The following RGS7BP variants were observed in gnomAD, a reference collection of about 807,000 sequenced individuals.
The protein encoded by RGS7BP is regulator of G protein signaling 7-binding protein.
Under a neutral mutation model 31.3 loss-of-function variants are expected in RGS7BP, and 9 were observed. The ratio of observed to expected loss-of-function variants is 0.29; its 90% confidence interval spans 0.17 to 0.50. The LOEUF is 0.50. Ranked by LOEUF, RGS7BP falls within the 20% of genes least tolerant of loss-of-function variation. RGS7BP has a pLI of 0.98. For missense variants in RGS7BP, 274 were observed against 322.0 expected (o/e 0.85, Z 1.14); for synonymous variants, 115 against 120.1 (o/e 0.96, Z 0.28).
intron 4 of RGS7BP, among the ~76,000 whole-genome samples, chr5:64,595,266 A>G (rs557357028): frequency 6.6e-6 from 1 of 152,206 alleles, no homozygotes; most frequent in Non-Finnish European, 1.5e-5. Flanking sequence ...CCAAAATTAC[A>G]CAAAGATGCC....
intron 5 of RGS7BP, among the ~76,000 whole-genome samples, chr5:64,603,200 A>C (rs1213604145): frequency 1.3e-5 from 2 of 151,264 alleles, no homozygotes; most frequent in Non-Finnish European, 3.0e-5. Flanking sequence ...AGGGGATTGG[A>C]GAGGAGGACA....
At chr5:64,550,373 C>G (rs62369454) in intron 2 of RGS7BP, among the ~76,000 whole-genome samples, 2 of 152,214 alleles carry the variant, frequency 1.3e-5, no homozygotes, top group East Asian at 1.9e-4. Context: ...AAAGAGAGAA[C>G]AAGCTTTCTG....
At chr5:64,592,301 A>C (rs150536435) in intron 3 of RGS7BP, among the ~76,000 whole-genome samples, 2 of 152,298 alleles carry the variant, frequency 1.3e-5, no homozygotes, top group Admixed American at 6.5e-5. Flanking sequence ...CACGGTTTCC[A>C]TTCTGGTTCA....
At chr5:64,545,360 T>C (rs1325663634) in intron 2 of RGS7BP, among the ~76,000 whole-genome samples, 2 of 151,640 alleles carry the variant, frequency 1.3e-5, no homozygotes, top group Non-Finnish European at 2.9e-5. Flanking sequence ...ACATGTATAA[T>C]ATGTAACAAA....
intron 2 of RGS7BP, among the ~76,000 whole-genome samples, chr5:64,557,080 A>G (rs1322500681): frequency 6.6e-6 from 1 of 152,170 alleles, no homozygotes; most frequent in Non-Finnish European, 1.5e-5. Context: ...AATAAATGAC[A>G]TTCTTAAAAA....
At chr5:64,607,547 C>T (rs928455480) in intron 5 of RGS7BP, among the ~76,000 whole-genome samples, 1 of 151,946 alleles carries the variant, frequency 6.6e-6, no homozygotes, top group African/African-American at 2.4e-5. Flanking sequence ...ATCTAAAGAC[C>T]GGGAAGCAAC....
At chr5:64,541,949 C>T (rs974842756) in intron 2 of RGS7BP, among the ~76,000 whole-genome samples, 17 of 96,470 alleles carry the variant, frequency 1.8e-4, no homozygotes, top group African/African-American at 6.8e-4. Flanking sequence ...ATTTTCTATT[C>T]TAGTTTTTTT....
intron 2 of RGS7BP, among the ~76,000 whole-genome samples, chr5:64,528,193 T>A (rs972786169): frequency 6.6e-6 from 1 of 152,142 alleles, no homozygotes; most frequent in Non-Finnish European, 1.5e-5. Flanking sequence ...GCAGTATTTG[T>A]TCTGGGTCCT....
chr5:64,558,335 T>G (rs1375153831), intron 2 of RGS7BP, among the ~76,000 whole-genome samples: 1 of 152,166 alleles, frequency 6.6e-6, no homozygotes, highest in East Asian at 1.9e-4. Context: ...TTCATGGACA[T>G]TTGTTAGTTC....
intron 2 of RGS7BP, among the ~76,000 whole-genome samples, chr5:64,548,461 T>C (rs1352992581): frequency 1.3e-5 from 2 of 152,164 alleles, no homozygotes; most frequent in African/African-American, 4.8e-5. Flanking sequence ...CATAGAAACA[T>C]AAATTCAAGA....
intron 2 of RGS7BP, among the ~76,000 whole-genome samples, chr5:64,549,776 A>G (rs1454510320): frequency 6.6e-6 from 1 of 152,180 alleles, no homozygotes; most frequent in East Asian, 1.9e-4. Context: ...TTTTTATAAT[A>G]TGGGTAGGCT....
intron 2 of RGS7BP, among the ~76,000 whole-genome samples, chr5:64,557,805 T>C (rs528231596): frequency 5.9e-5 from 9 of 152,304 alleles, no homozygotes; most frequent in Non-Finnish European, 8.8e-5. Flanking sequence ...TTAACTCTTA[T>C]GCTAATTTGT....
intron 2 of RGS7BP, among the ~76,000 whole-genome samples, chr5:64,535,510 A>AT (rs747305056): frequency 6.6e-6 from 1 of 152,224 alleles, no homozygotes; most frequent in Non-Finnish European, 1.5e-5. Flanking sequence ...GCTAACCATC[A>AT]TAAATAATCA....
intron 2 of RGS7BP, among the ~76,000 whole-genome samples, chr5:64,541,606 G>A (rs1561328265): frequency 6.6e-6 from 1 of 152,198 alleles, no homozygotes; most frequent in Non-Finnish European, 1.5e-5. Flanking sequence ...TGTGGCCAAT[G>A]TAATACACAG....
intron 2 of RGS7BP, among the ~76,000 whole-genome samples, chr5:64,524,874 G>A (rs1232112633): frequency 6.6e-6 from 1 of 151,954 alleles, no homozygotes; most frequent in Admixed American, 6.5e-5. Flanking sequence ...CCAGGCACGG[G>A]GCTTGTCTTG....
chr5:64,507,910 T>C (rs921819527), intron 2 of RGS7BP, 33 bp downstream of exon 2: 1 of 1,559,200 alleles, frequency 6.4e-7, no homozygotes, highest in Admixed American at 1.7e-5. Context: ...GTAATCCATA[T>C]ACATGATGCA....
intron 2 of RGS7BP, among the ~76,000 whole-genome samples, chr5:64,538,932 G>A (rs1741454963): frequency 6.6e-6 from 1 of 152,064 alleles, no homozygotes; most frequent in Non-Finnish European, 1.5e-5. Context: ...ATTGTTGAAT[G>A]CACATTCTTT....
At chr5:64,513,457 C>G (rs903591114) in intron 2 of RGS7BP, among the ~76,000 whole-genome samples, 4 of 152,100 alleles carry the variant, frequency 2.6e-5, no homozygotes, top group African/African-American at 9.7e-5. Context: ...TTTTCAGTCC[C>G]ACTTCTAGTT....
chr5:64,577,517 C>T (rs1229585089), intron 3 of RGS7BP, among the ~76,000 whole-genome samples: 1 of 152,176 alleles, frequency 6.6e-6, no homozygotes, highest in African/African-American at 2.4e-5. Context: ...TACTACATTG[C>T]TCCAGAGACA....
Sources: gnomAD v4.1 joint callset for allele counts (sites outside exome capture counted in the v4.1 genomes callset) on GRCh38, gnomAD v4.1.1 for gene constraint, MANE v1.5 for transcripts, NCBI Gene and HGNC (gene_info 2026-07-23, HGNC 2026-07-21) for gene names.